The following KCNG2 variants were observed in gnomAD, a reference collection of about 807,000 sequenced individuals.
KCNG2 encodes potassium voltage-gated channel modifier subfamily G member 2.
Under a neutral mutation model 12.3 loss-of-function variants are expected in KCNG2, and 7 were observed. The observed-to-expected ratio is 0.57, with a 90% CI of 0.32 to 1.07. The LOEUF (loss-of-function observed/expected upper bound fraction) is 1.07. KCNG2 is among the 50% of genes least tolerant of loss of function. The pLI, the probability that KCNG2 is intolerant of heterozygous loss-of-function variation, is 0.04. For synonymous variants in KCNG2, 414 were observed against 351.4 expected (o/e 1.18, Z -1.99); for missense variants, 703 against 726.0 (o/e 0.97, Z 0.36).
At chr18:79,887,577 C>T (rs1329079500) in intron 3 of KCNG2, among the ~76,000 whole-genome samples, 3 of 152,244 alleles carry the variant, frequency 2.0e-5, no homozygotes, top group South Asian at 2.1e-4. Context: ...CCCAGCTGGG[C>T]GCATCAGGGT....
At chr18:79,809,554 A>C in intron 1 of KCNG2, among the ~76,000 whole-genome samples, 1 of 115,400 alleles carries the variant, frequency 8.7e-6, no homozygotes, top group African/African-American at 3.3e-5. Flanking sequence ...TTACCGGCCC[A>C]GAGTCCGCGC....
intron 1 of KCNG2, among the ~76,000 whole-genome samples, chr18:79,834,659 G>A (rs1465901872): frequency 6.6e-6 from 1 of 152,204 alleles, no homozygotes; most frequent in Non-Finnish European, 1.5e-5. Flanking sequence ...AGAGACCTAT[G>A]GCTGCTTGAG....
intron 1 of KCNG2, among the ~76,000 whole-genome samples, chr18:79,805,385 C>T (rs909971151): frequency 7.9e-5 from 12 of 152,182 alleles, no homozygotes; most frequent in Non-Finnish European, 1.0e-4. Context: ...GGGCCTGCCG[C>T]GCACTCGGGA....
chr18:79,860,460 G>T (rs532028710), intron 2 of KCNG2, among the ~76,000 whole-genome samples: 43 of 152,162 alleles, frequency 2.8e-4, no homozygotes, highest in Non-Finnish European at 4.3e-4. Context: ...ACCAATGTTT[G>T]TAGTTTTCAG....
chr18:79,806,234 G>T (rs2087448509), intron 1 of KCNG2, among the ~76,000 whole-genome samples: 1 of 152,216 alleles, frequency 6.6e-6, no homozygotes, highest in South Asian at 2.1e-4. Flanking sequence ...CGTCGTGCTG[G>T]GGGTTGGGGC....
chr18:79,844,778 G>T (rs1978568038), intron 1 of KCNG2, among the ~76,000 whole-genome samples: 1 of 152,198 alleles, frequency 6.6e-6, no homozygotes, highest in Admixed American at 6.5e-5. Flanking sequence ...CTGAGAAACT[G>T]TTTCTCTCAT....
intron 3 of KCNG2, among the ~76,000 whole-genome samples, chr18:79,888,424 CCGCGG>C (rs1568272177): frequency 1.4e-5 from 2 of 142,440 alleles, no homozygotes; most frequent in Non-Finnish European, 3.2e-5. Flanking sequence ...CCTCATGAGG[CCGCGG>C]TGGGGCCGGG....
chr18:79,817,668 ACAGT>A, intron 1 of KCNG2, among the ~76,000 whole-genome samples: 1 of 152,368 alleles, frequency 6.6e-6, no homozygotes, highest in Admixed American at 6.5e-5. Context: ...CCCTGAGGGC[ACAGT>A]CAGTGGAGGG....
chr18:79,799,493 A>G, intron 1 of KCNG2, among the ~76,000 whole-genome samples: 1 of 152,152 alleles, frequency 6.6e-6, no homozygotes, highest in Non-Finnish European at 1.5e-5. Context: ...GGATGAGGTC[A>G]CCTTAGATGT....
At position 79,863,813 on chromosome 18, in the gene KCNG2, G is replaced by A; in HGVS notation, c.146G>A (p.Cys49Tyr). 2.2e-6 allele frequency: 3 copies of A among 1,349,412 alleles called. No individual in the cohort carries two copies. The highest frequency in any genetic ancestry group is 2.9e-6 in the Non-Finnish European group (3 of 1,045,082). 83.6% of individuals were successfully genotyped at this position (1,349,412 alleles called of 1,614,324 possible). The change falls in exon 3 of 4, where the codon TGC becomes TAC. Residue 49 changes from cysteine (C) to tyrosine (Y), a missense_variant. Transcript: ENST00000316249. ...GCGCGCCTGGAGCGCCTGCGCGCCT[G>A]CCGCGGCCACGACGACCTGCTGCGC... is the stretch of plus-strand genomic sequence containing the variant. ...PLARLERLRA[C>Y]RGHDDLLRVC...
chr18:79,877,922 C>G (rs946781401), intron 3 of KCNG2, among the ~76,000 whole-genome samples: 3 of 152,276 alleles, frequency 2.0e-5, no homozygotes, highest in Non-Finnish European at 4.4e-5. Context: ...CCATCCTCCA[C>G]TGCCCTTGCC....
intron 1 of KCNG2, among the ~76,000 whole-genome samples, chr18:79,799,334 A>G (rs1050594980): frequency 1.1e-4 from 17 of 152,144 alleles, no homozygotes; most frequent in African/African-American, 4.1e-4. Context: ...ACCGCGGAAG[A>G]GGGGACCCTC....
intron 3 of KCNG2, among the ~76,000 whole-genome samples, chr18:79,889,982 G>T (rs913949260): frequency 6.6e-6 from 1 of 152,170 alleles, no homozygotes; most frequent in Admixed American, 6.5e-5. Flanking sequence ...ATGATTGTGT[G>T]ATTTTTCTTT....
chr18:79,891,177 T>C (rs1335830451), intron 3 of KCNG2, among the ~76,000 whole-genome samples: 1 of 152,212 alleles, frequency 6.6e-6, no homozygotes, highest in Non-Finnish European at 1.5e-5. Flanking sequence ...TTCTTCTTTC[T>C]TATAGGCATT....
At position 79,884,687 on chromosome 18, in the gene KCNG2, G is replaced by A. The variant is rs185440625; in HGVS notation, c.625-14353G>A. Reference sequence around the variant, plus strand: ...TGTGGTTTCCAAAGAGACCGGACACGCCCAAGGCCCACAGACACGTGGCTT... The same window carrying A: ...TGTGGTTTCCAAAGAGACCGGACACACCCAAGGCCCACAGACACGTGGCTT... On this transcript the variant is annotated intron_variant, in intron 3 of 3. Transcript: ENST00000316249. This position sits in a 1 kb window ranked among gnomAD's most constrained non-coding sequence, Gnocchi z 5.5. 3.9e-5 allele frequency among the ~76,000 whole-genome samples: 6 copies of A among 152,310 alleles called. No individual in the cohort carries two copies. The East Asian group carries it at 1.2e-3, about 29-fold the overall frequency.
chr18:79,882,993 C>G (rs979701443), intron 3 of KCNG2, among the ~76,000 whole-genome samples: 1 of 152,278 alleles, frequency 6.6e-6, no homozygotes, highest in African/African-American at 2.4e-5. Context: ...GCGTGTGTCA[C>G]GTACAGAGCG....
At position 79,884,225 on chromosome 18, in the gene KCNG2, CCCCATGT is replaced by C. The variant is rs1297650149; in HGVS notation, c.625-14811_625-14805del. On this transcript the variant is annotated intron_variant, in intron 3 of 3. Coordinates refer to ENST00000316249, the MANE Select transcript of KCNG2 (RefSeq NM_012283.2). This position sits in a 1 kb window ranked among gnomAD's most constrained non-coding sequence, Gnocchi z 5.5. Reference sequence around the variant, plus strand: ...CTCCGTCCCCATGCCCCTCCCCATGCCCCATGTCCCTGTTCTCAGCCCTCCTCCCGCC... The same window carrying C: ...CTCCGTCCCCATGCCCCTCCCCATGCCCCTGTTCTCAGCCCTCCTCCCGCC... 2.6e-5 allele frequency among the ~76,000 whole-genome samples: 4 copies of C among 151,932 alleles called. No individual in the cohort carries two copies. Among genetic ancestry groups the C allele is most frequent in the Non-Finnish European group, 4.4e-5 (3 of 67,952 alleles).
At chr18:79,843,513 A>C (rs950656703) in intron 1 of KCNG2, among the ~76,000 whole-genome samples, 7 of 152,242 alleles carry the variant, frequency 4.6e-5, no homozygotes, top group Non-Finnish European at 8.8e-5. Context: ...GAAAGACAAA[A>C]GTATTAAAAA....
At chr18:79,826,369 C>T (rs976741375) in intron 1 of KCNG2, among the ~76,000 whole-genome samples, 1 of 152,254 alleles carries the variant, frequency 6.6e-6, no homozygotes, top group African/African-American at 2.4e-5. Context: ...CGTTCTGCTC[C>T]CTTCCCAGGC....
Sources: allele counts gnomAD v4.1 joint callset (sites outside exome capture counted in the v4.1 genomes callset), GRCh38; gene constraint gnomAD v4.1.1; non-coding constraint Gnocchi (gnomAD v3.1); transcripts MANE v1.5; gene names NCBI Gene and HGNC (gene_info 2026-07-23, HGNC 2026-07-21).